VAV1: variants seen among roughly 807,000 people sequenced by gnomAD.
VAV1 encodes the protein vav guanine nucleotide exchange factor 1.
VAV1 carries 33 observed loss-of-function variants against 128.1 expected under a neutral mutation model. The observed-to-expected ratio is 0.26, with a 90% CI of 0.20 to 0.34. The LOEUF is 0.34. Among genes scored for constraint, VAV1 ranks in the 10% least tolerant of loss-of-function variants. The pLI is 1.00. For synonymous variants in VAV1, 394 were observed against 409.8 expected (o/e 0.96, Z 0.47); for missense variants, 715 against 1,093.7 (o/e 0.65, Z 4.88).
In VAV1 at chr19:6,839,987, C is replaced by G. The variant is rs147606199; in HGVS notation, c.1980+2937C>G. 2.0e-3 allele frequency among the ~76,000 whole-genome samples: 305 copies of G among 152,270 alleles called. 2 individuals carry two copies. The highest frequency in any genetic ancestry group is 7.0e-3 in the African/African-American group (289 of 41,548). On this transcript the variant is annotated intron_variant, in intron 21 of 26. Coordinates refer to ENST00000602142, the MANE Select transcript of VAV1 (RefSeq NM_005428.4). ...GATTACAGGCCTGAGCCGCCATGCC[C>G]GGCCAACATAACCATTTTCTAAGGT...
intron 1 of VAV1, among the ~76,000 whole-genome samples, chr19:6,801,149 A>G (rs1355455612): frequency 1.3e-5 from 2 of 152,098 alleles, no homozygotes; most frequent in Admixed American, 1.3e-4. Flanking sequence ...GTTTGTCTTG[A>G]TCACCATTAG....
rs1013422073 is a variant in VAV1, at chr19:6,777,816, T to C, written c.204+4805T>C. Among the ~76,000 whole-genome samples the C allele has an allele frequency of 1.3e-5, 2 of 152,092 alleles. No homozygotes were observed. The highest frequency in any genetic ancestry group is 2.9e-5 in the Non-Finnish European group (2 of 68,016). ...TCTCAATTATGAATTTTGTTTTTTT[T>C]AAATGAGACAGAGCCTTGCTGTCTC... is the stretch of plus-strand genomic sequence containing the variant. On this transcript the variant is annotated intron_variant, in intron 1 of 26. Coordinates refer to ENST00000602142, the MANE Select transcript of VAV1 (RefSeq NM_005428.4). The surrounding 1 kb of genome is among the most constrained non-coding windows in gnomAD (Gnocchi z 4.4).
chr19:6,791,739 A>T (rs1233667096), intron 1 of VAV1, among the ~76,000 whole-genome samples: 1 of 152,196 alleles, frequency 6.6e-6, no homozygotes, highest in African/African-American at 2.4e-5. Flanking sequence ...AATGTCACAG[A>T]TGAAACAAAC....
At chr19:6,801,941 A>G (rs536034052) in intron 1 of VAV1, among the ~76,000 whole-genome samples, 1 of 152,296 alleles carries the variant, frequency 6.6e-6, no homozygotes, top group East Asian at 1.9e-4. Context: ...GCATATGGGC[A>G]CGATGCCAGC....
chr19:6,774,835 C>A (rs1351252300), intron 1 of VAV1, among the ~76,000 whole-genome samples: 1 of 151,882 alleles, frequency 6.6e-6, no homozygotes, highest in African/African-American at 2.4e-5. Context: ...GCTCACTGCA[C>A]CCTCCACTTC....
intron 17 of VAV1, 31 bp downstream of exon 17, chr19:6,833,656 C>T (rs772204705): frequency 5.0e-6 from 8 of 1,613,886 alleles, no homozygotes. Context: ...GGGAGGTGAG[C>T]TTGGTTCTCT....
intron 26 of VAV1, among the ~76,000 whole-genome samples, chr19:6,855,604 A>G (rs1972774764): frequency 6.6e-6 from 1 of 151,930 alleles, no homozygotes; most frequent in Admixed American, 6.6e-5. Context: ...TCCACCATCC[A>G]GCCAACATCT....
In VAV1 at chr19:6,807,431, T is replaced by TGCAGCTGATCTGACA. The variant is rs1436562863; in HGVS notation, c.205-13269_205-13255dup. 3.9e-5 allele frequency among the ~76,000 whole-genome samples: 6 copies of TGCAGCTGATCTGACA among 152,240 alleles called. No individual in the cohort carries two copies. In the East Asian group the frequency reaches 1.2e-3, roughly 29 times the overall value. On this transcript the variant is annotated intron_variant, in intron 1 of 26. Coordinates refer to ENST00000602142, the MANE Select transcript of VAV1 (RefSeq NM_005428.4). ...TTGCACTCCTATGAGGATCTAACGC[T>TGCAGCTGATCTGACA]GCAGCTGATCTGACAGGAGGTGGGG...
chr19:6,801,701 G>T (rs1318354138), intron 1 of VAV1, among the ~76,000 whole-genome samples: 2 of 152,276 alleles, frequency 1.3e-5, no homozygotes, highest in Non-Finnish European at 1.5e-5. Context: ...TGGTGCTGGG[G>T]TGGGGGTGGG....
At chr19:6,830,149 C>G (rs1049938212) in intron 14 of VAV1, among the ~76,000 whole-genome samples, 2 of 152,186 alleles carry the variant, frequency 1.3e-5, no homozygotes, top group Non-Finnish European at 2.9e-5. Flanking sequence ...ACCTCCGCCT[C>G]CTGGGTTCAA....
At chr19:6,838,715 TTCTA>T (rs772340180) in intron 21 of VAV1, among the ~76,000 whole-genome samples, 15 of 152,054 alleles carry the variant, frequency 9.9e-5, no homozygotes, top group South Asian at 4.2e-4. Flanking sequence ...CATCCATCTA[TTCTA>T]TCTATCTATC....
rs1025200861 is a variant in VAV1 at position 6,822,299 on chromosome 19, C to T, written c.528C>T (p.Asp176=). The T allele has an allele frequency of 5.7e-6, 9 of 1,588,150 alleles. No individual in the cohort carries two copies. The South Asian group carries it at 1.0e-4, about 18-fold the overall frequency. ...CGGAAGGCGACGAGATCTATGAGGA[C>T]CTCATGCGCTCGGAGCCCGTGTCCA... ...EEAEGDEIYE[D]LMRSEPVSMP... The change falls in exon 5 of 27, where the codon GAC becomes GAT. Residue 176 remains aspartate, a synonymous_variant. Transcript: ENST00000602142. This position sits in a 1 kb window ranked among gnomAD's most constrained non-coding sequence, Gnocchi z 5.9.
chr19:6,784,104 AT>A, intron 1 of VAV1: 6 of 425,362 alleles, frequency 1.4e-5, no homozygotes, highest in South Asian at 7.4e-5. Flanking sequence ...AAATAAAAAA[AT>A]AAGCCCGGCA....
At chr19:6,818,985 G>A (rs1169822711) in intron 1 of VAV1, among the ~76,000 whole-genome samples, 4 of 151,976 alleles carry the variant, frequency 2.6e-5, no homozygotes, top group South Asian at 4.1e-4. Flanking sequence ...GTGTGATGGC[G>A]GGTGCTTGTA....
At chr19:6,829,298 T>A (rs1458532447) in intron 13 of VAV1, among the ~76,000 whole-genome samples, 1 of 141,622 alleles carries the variant, frequency 7.1e-6, no homozygotes, top group Non-Finnish European at 1.5e-5. Flanking sequence ...TGGGGCCAGG[T>A]TTCTAGATAG....
At chr19:6,836,933 G>T (rs1972239563) in intron 20 of VAV1, 52 bp from the exon 21 acceptor site, 7 of 1,589,170 alleles carry the variant, frequency 4.4e-6, no homozygotes, top group Non-Finnish European at 5.2e-6. Context: ...GGCAGGTGGG[G>T]TTATGGATCC....
chr19:6,832,078 T>C lies in VAV1; in HGVS notation c.1399-13T>C. ...GGGGCAGTGCCTTCAGTCTGAGCTC[T>C]GCTTCCCTGCAGTGGAGCCACATGT... is the stretch of plus-strand genomic sequence containing the variant. On this transcript the variant is annotated splice_polypyrimidine_tract_variant and intron_variant, in intron 14 of 26. Transcript: ENST00000602142. 6.2e-7 allele frequency: 1 copy of C among 1,613,656 alleles called. No homozygotes were observed. The highest frequency in any genetic ancestry group is 8.5e-7 in the Non-Finnish European group (1 of 1,179,632).
At chr19:6,818,973 G>A (rs1373439063) in intron 1 of VAV1, among the ~76,000 whole-genome samples, 1 of 152,020 alleles carries the variant, frequency 6.6e-6, no homozygotes, top group Non-Finnish European at 1.5e-5. Flanking sequence ...AAAATAAGCT[G>A]GGTGTGATGG....
At chr19:6,807,551 C>G (rs1044520863) in intron 1 of VAV1, among the ~76,000 whole-genome samples, 1 of 152,018 alleles carries the variant, frequency 6.6e-6, no homozygotes, top group Admixed American at 6.6e-5. Context: ...ATGTGTGGCC[C>G]AGTTCCTAAC....
Sources: allele counts gnomAD v4.1 joint callset (sites outside exome capture counted in the v4.1 genomes callset), GRCh38; gene constraint gnomAD v4.1.1; non-coding constraint Gnocchi (gnomAD v3.1); transcripts MANE v1.5; gene names NCBI Gene and HGNC (gene_info 2026-07-23, HGNC 2026-07-21).